Variants in DYNLL1 observed in about 807,000 individuals in gnomAD.
The protein encoded by DYNLL1 is dynein light chain LC8-type 1, also known as dynein light chain 1, cytoplasmic.
Under a neutral mutation model 10.1 loss-of-function variants are expected in DYNLL1, and 3 were observed. The observed-to-expected ratio is 0.30, with a 90% CI of 0.14 to 0.77. The LOEUF is 0.77. DYNLL1 is among the 30% of genes least tolerant of loss of function. The pLI, the probability that DYNLL1 is intolerant of heterozygous loss-of-function variation, is 0.66. For missense variants in DYNLL1, 47 were observed against 111.7 expected (o/e 0.42, Z 2.61); for synonymous variants, 46 against 41.2 (o/e 1.12, Z -0.45).
At chr12:120,477,633 G>A (rs1027923079) in intron 1 of DYNLL1, among the ~76,000 whole-genome samples, 3 of 151,952 alleles carry the variant, frequency 2.0e-5, no homozygotes, top group Admixed American at 6.6e-5. Flanking sequence ...AAAAAAGCTG[G>A]GTGTGATGGT....
At chr12:120,490,931 T>C (rs947011117) in intron 1 of DYNLL1, 2 of 152,278 alleles carry the variant, frequency 1.3e-5, no homozygotes, top group African/African-American at 4.8e-5. Flanking sequence ...ACATTCTCTA[T>C]GTGTATCATC....
chr12:120,474,881 C>T (rs901271591), intron 1 of DYNLL1, among the ~76,000 whole-genome samples: 2 of 152,294 alleles, frequency 1.3e-5, no homozygotes, highest in Admixed American at 6.5e-5. Context: ...ACCCTGGGAG[C>T]TTTCTCTGTC....
chr12:120,488,028 G>C (rs1194703919), intron 1 of DYNLL1: 1 of 152,188 alleles, frequency 6.6e-6, no homozygotes, highest in Non-Finnish European at 1.5e-5. Context: ...TGTGCCTATT[G>C]CTGCCTCTGG....
chr12:120,473,679 C>T (rs370872907), intron 1 of DYNLL1, among the ~76,000 whole-genome samples: 2 of 131,278 alleles, frequency 1.5e-5, no homozygotes, highest in East Asian at 2.1e-4. Flanking sequence ...TGGTCAACAC[C>T]GAGACTCTGT....
rs1042199703 is a variant in DYNLL1, at chr12:120,496,203, C to G, written c.-20C>G. ...CCAGGAGACCGTTGCAGTCGGCCAG[C>G]CCCCTTCTCCACGGTGAGAAACTCG... On this transcript the variant is annotated 5_prime_UTR_variant, in exon 1 of 3. Coordinates refer to ENST00000242577, the MANE Select transcript of DYNLL1 (RefSeq NM_003746.3). 3 of 673,298 alleles carry G rather than the reference C, an allele frequency of 4.5e-6. No individual in the cohort carries two copies. Among genetic ancestry groups the G allele is most frequent in the Non-Finnish European group, 7.5e-6 (3 of 399,308 alleles). 41.7% of individuals were successfully genotyped at this position (673,298 alleles called of 1,614,324 possible).
intron 1 of DYNLL1, among the ~76,000 whole-genome samples, chr12:120,481,360 A>G (rs1171699684): frequency 3.9e-5 from 6 of 152,156 alleles, no homozygotes; most frequent in Non-Finnish European, 7.4e-5. Flanking sequence ...TGAGTCCCAC[A>G]AGACCGCCCC....
At chr12:120,491,641 C>G (rs1296864487), upstream of DYNLL1, 1 of 152,342 alleles carries the variant, frequency 6.6e-6, no homozygotes, top group African/African-American at 2.4e-5. Context: ...GGCCACGGTC[C>G]TACTTGTGGA....
At position 120,478,618 on chromosome 12, in the gene DYNLL1, G is replaced by A. The variant is rs571387903; in HGVS notation, c.-7+8514G>A. Reference sequence around the variant, plus strand: ...TGTAATCCTAGCACTTAGGGAGGCTGAGGCGGGCAGATCACTTGAGGTCAG... The same window carrying A: ...TGTAATCCTAGCACTTAGGGAGGCTAAGGCGGGCAGATCACTTGAGGTCAG... On this transcript the variant is annotated intron_variant, in intron 1 of 2. Transcript: ENST00000392509. 2.0e-5 allele frequency among the ~76,000 whole-genome samples: 3 copies of A among 150,422 alleles called. No individual in the cohort carries two copies. The East Asian group carries it at 6.3e-4, about 32-fold the overall frequency.
intron 1 of DYNLL1, among the ~76,000 whole-genome samples, chr12:120,479,449 C>CAAAAAAAAAAAAAAAAAAA (rs71076617): frequency 6.6e-5 from 5 of 76,116 alleles, no homozygotes; most frequent in Non-Finnish European, 1.3e-4. Flanking sequence ...ACTCCGTCTC[C>CAAAAAAAAAAAAAAAAAAA]AAAAAAAAAA....
chr12:120,486,093 A>G (rs1309318518), intron 1 of DYNLL1, among the ~76,000 whole-genome samples: 1 of 152,188 alleles, frequency 6.6e-6, no homozygotes. Context: ...AATATTTCAC[A>G]TGTGTAATGG....
At position 120,498,126 on chromosome 12, in the gene DYNLL1, C is replaced by T. The variant is rs780634489; in HGVS notation, c.186C>T (p.Phe62=). ...GGCATTGCATCGTGGGGAGGAACTT[C>T]GGTAGTTATGTGACACATGAAACCA... ...PTWHCIVGRN[F]GSYVTHETKH... is the part of the protein sequence containing the mutation. Residue 62 remains phenylalanine, a synonymous_variant, in exon 3 of 3, where the codon TTC becomes TTT. Coordinates refer to ENST00000242577, the MANE Select transcript of DYNLL1 (RefSeq NM_003746.3). The T allele has an allele frequency of 8.7e-6, 14 of 1,614,070 alleles. No homozygotes were observed. In the South Asian group the frequency reaches 1.4e-4, roughly 16 times the overall value.
At position 120,496,417 on chromosome 12, in the gene DYNLL1, TAA is replaced by T; in HGVS notation, c.-4_-3del. ...CTTACCCCAGGCCTTGCCCACTAGG[TAA>T]CCATGTGCGACCGAAAGGCCGTGAT... is the stretch of plus-strand genomic sequence containing the variant. On this transcript the variant is annotated splice_region_variant and 5_prime_UTR_variant, in exon 2 of 3. Coordinates refer to ENST00000242577, the MANE Select transcript of DYNLL1 (RefSeq NM_003746.3). The T allele has an allele frequency of 6.2e-7, 1 of 1,613,874 alleles. No individual in the cohort carries two copies. Among genetic ancestry groups the T allele is most frequent in the Non-Finnish European group, 8.5e-7 (1 of 1,180,000 alleles).
intron 1 of DYNLL1, among the ~76,000 whole-genome samples, chr12:120,471,128 CTGAGGTGGG>C (rs1318591114): frequency 6.6e-6 from 1 of 151,662 alleles, no homozygotes; most frequent in East Asian, 1.9e-4. Flanking sequence ...CTTTAGGAGG[CTGAGGTGGG>C]TGGATCACTT....
upstream of DYNLL1, among the ~76,000 whole-genome samples, chr12:120,494,528 G>C (rs914539523): frequency 6.6e-6 from 1 of 151,966 alleles, no homozygotes. Flanking sequence ...CACCCGCCTC[G>C]GCCTCCCAAA....
At chr12:120,483,031 A>G (rs1394410058) in intron 1 of DYNLL1, among the ~76,000 whole-genome samples, 2 of 151,966 alleles carry the variant, frequency 1.3e-5, no homozygotes, top group Non-Finnish European at 2.9e-5. Flanking sequence ...AAACAGAGCA[A>G]GACCTCATCT....
intron 1 of DYNLL1, among the ~76,000 whole-genome samples, chr12:120,485,992 C>G (rs1282681564): frequency 6.6e-6 from 1 of 151,816 alleles, no homozygotes; most frequent in Non-Finnish European, 1.5e-5. Flanking sequence ...TCCTTGTGTT[C>G]TTCTGTATCT....
chr12:120,474,738 A>G (rs1484713281), intron 1 of DYNLL1, among the ~76,000 whole-genome samples: 3 of 152,102 alleles, frequency 2.0e-5, no homozygotes, highest in Non-Finnish European at 2.9e-5. Context: ...CTCCTCCCAG[A>G]CCTTGGCCCT....
intron 1 of DYNLL1, among the ~76,000 whole-genome samples, chr12:120,485,753 A>G (rs1273042942): frequency 6.8e-6 from 1 of 147,782 alleles, no homozygotes; most frequent in Non-Finnish European, 1.5e-5. Flanking sequence ...GGGCAGTCGG[A>G]TCCCTTGAGC....
chr12:120,474,967 C>T (rs954573247), intron 1 of DYNLL1, among the ~76,000 whole-genome samples: 1 of 152,082 alleles, frequency 6.6e-6, no homozygotes, highest in African/African-American at 2.4e-5. Flanking sequence ...AGAACTGAGC[C>T]ATGCAGGGGA....
Sources: allele counts gnomAD v4.1 joint callset (sites outside exome capture counted in the v4.1 genomes callset), GRCh38; gene constraint gnomAD v4.1.1; transcripts MANE v1.5; gene names NCBI Gene and HGNC (gene_info 2026-07-23, HGNC 2026-07-21).